Variants in SEMA6A observed in about 807,000 individuals in gnomAD.
SEMA6A encodes the protein semaphorin-6A.
A neutral mutation model predicts 96.8 loss-of-function variants in SEMA6A; 25 were observed. The ratio of observed to expected loss-of-function variants is 0.26; its 90% CI spans 0.19 to 0.36. The LOEUF (loss-of-function observed/expected upper bound fraction) is 0.36, where lower values mean the gene tolerates loss of function less well. Ranked by LOEUF, SEMA6A falls within the 10% of genes least tolerant of loss-of-function variation. SEMA6A has a pLI of 1.00. For missense variants in SEMA6A, 1,363 were observed against 1,323.1 expected (o/e 1.03, Z -0.47); for synonymous variants, 612 against 518.0 (o/e 1.18, Z -2.46).
chr5:116,476,819 A>AG (rs1432687091), intron 15 of SEMA6A, among the ~76,000 whole-genome samples: 3 of 152,234 alleles, frequency 2.0e-5, no homozygotes, highest in Non-Finnish European at 4.4e-5. Context: ...GCATGTCAAT[A>AG]ATGCTACTTG....
chr5:116,506,028 G>A (rs946821208), intron 1 of SEMA6A, among the ~76,000 whole-genome samples: 1 of 152,156 alleles, frequency 6.6e-6, no homozygotes, highest in African/African-American at 2.4e-5. Context: ...ACCTGCCAAA[G>A]ATTATCTTTT....
intron 18 of SEMA6A, among the ~76,000 whole-genome samples, chr5:116,459,825 G>C (rs1206837167): frequency 6.6e-6 from 1 of 152,080 alleles, no homozygotes; most frequent in Admixed American, 6.5e-5. Context: ...ACTGTAAGCT[G>C]TCTGAATATC....
chr5:116,444,407 G>A lies in SEMA6A; in HGVS notation c.*2206C>T, dbSNP rs1357708246. On this transcript the variant is annotated 3_prime_UTR_variant, in exon 19 of 19. Transcript: ENST00000343348. ...CACTATCCAACTCAAAACTGTCATT[G>A]TCAGTCTTTTTTTGAATTCTTTTTA... is the stretch of plus-strand genomic sequence containing the variant. 2 of 152,090 alleles carry A rather than the reference G, an allele frequency of 1.3e-5. No homozygotes were observed. Among genetic ancestry groups the A allele is most frequent in the East Asian group, 1.9e-4 (1 of 5,168 alleles). The allele number at this position is 152,090 out of a possible 1,614,324, so 9.4% of individuals were successfully genotyped here.
chr5:116,512,616 G>A lies in SEMA6A; in HGVS notation c.-38-7634C>T, dbSNP rs1482574892. 3.9e-5 allele frequency among the ~76,000 whole-genome samples: 6 copies of A among 152,304 alleles called. No individual in the cohort carries two copies. In the East Asian group the frequency reaches 5.8e-4, roughly 15 times the overall value. On this transcript the variant is annotated intron_variant, in intron 1 of 18. Transcript: ENST00000343348. ...CAAAAAATAAAGGTTGGTTGTATAC[G>A]TATTATCTTTTGAGGGAGAAGGCAA...
intron 1 of SEMA6A, among the ~76,000 whole-genome samples, chr5:116,536,869 A>T (rs1423535482): frequency 8.4e-6 from 1 of 119,274 alleles, no homozygotes. Context: ...GATTTCTTAA[A>T]AAAAAAAAAA....
chr5:116,549,803 A>G lies in SEMA6A; in HGVS notation c.-39+24382T>C, dbSNP rs77556391. Among the ~76,000 whole-genome samples, 959 of 152,280 alleles carry G rather than the reference A, an allele frequency of 6.3e-3. 5 individuals are homozygous for G. Among genetic ancestry groups the G allele is most frequent in the Non-Finnish European group, 0.01 (689 of 68,024 alleles). On this transcript the variant is annotated intron_variant, in intron 1 of 18. Transcript: ENST00000343348. ...ATGTACAAATTATAACACTTTTCAG[A>G]GCATTTAGTAGTATACAAACAATAG...
intron 1 of SEMA6A, among the ~76,000 whole-genome samples, chr5:116,509,544 G>A (rs1402689922): frequency 1.3e-5 from 2 of 152,160 alleles, no homozygotes; most frequent in African/African-American, 4.8e-5. Context: ...AGATTCCTCC[G>A]GCTCTGTGAT....
chr5:116,465,999 C>T (rs1755707979), intron 18 of SEMA6A, among the ~76,000 whole-genome samples: 2 of 143,874 alleles, frequency 1.4e-5, no homozygotes, highest in Non-Finnish European at 3.0e-5. Flanking sequence ...GGAGCTTTCT[C>T]GGGATGGAAA....
Position 116,446,384 on chromosome 5 carries a change from G to A in SEMA6A, c.*229C>T. The A allele has an allele frequency of 2.2e-6, 1 of 453,462 alleles. No individual in the cohort carries two copies. The highest frequency in any genetic ancestry group is 3.9e-6 in the Non-Finnish European group (1 of 258,866). 28.1% of individuals were successfully genotyped at this position (453,462 alleles called of 1,614,324 possible). A position where few individuals can be genotyped will look rare whatever the true frequency, so the allele number is the denominator to read the frequency against. ...GACCTGTTGTAGGGTGTGGGGGAAA[G>A]TGAAGGAAGAGAATGAAGGTGAGTC... On this transcript the variant is annotated 3_prime_UTR_variant, in exon 19 of 19. Transcript: ENST00000343348.
intron 11 of SEMA6A, among the ~76,000 whole-genome samples, chr5:116,481,575 GTT>G: frequency 6.6e-6 from 1 of 152,328 alleles, no homozygotes; most frequent in Admixed American, 6.5e-5. Context: ...GCGGAAGAGA[GTT>G]GAAAAACAAA....
At chr5:116,449,472 A>G in intron 18 of SEMA6A, 1 of 631,322 alleles carries the variant, frequency 1.6e-6, no homozygotes, top group South Asian at 1.8e-5. Flanking sequence ...ACGCAACCTT[A>G]AACTTCTACT....
chr5:116,447,974 C>T (rs1230999409), intron 18 of SEMA6A, among the ~76,000 whole-genome samples, 163 bp from the exon 19 acceptor site: 1 of 152,088 alleles, frequency 6.6e-6, no homozygotes, highest in African/African-American at 2.4e-5. Flanking sequence ...CCAATTAATC[C>T]TCCCCAAGCC....
chr5:116,535,878 G>C (rs1759686117), intron 1 of SEMA6A, among the ~76,000 whole-genome samples: 1 of 152,178 alleles, frequency 6.6e-6, no homozygotes, highest in Non-Finnish European at 1.5e-5. Flanking sequence ...TCTAAAGCAA[G>C]AAGATATGCT....
intron 1 of SEMA6A, among the ~76,000 whole-genome samples, chr5:116,567,044 C>T (rs543239887): frequency 1.3e-5 from 2 of 152,272 alleles, no homozygotes; most frequent in East Asian, 3.9e-4. Flanking sequence ...AATGTAGGTG[C>T]AGAGTGTACA....
intron 1 of SEMA6A, among the ~76,000 whole-genome samples, chr5:116,533,534 C>T (rs1329581882): frequency 3.9e-5 from 6 of 152,092 alleles, no homozygotes; most frequent in Non-Finnish European, 7.4e-5. Context: ...AAAATCTTTC[C>T]AAAGTATATC....
chr5:116,561,126 C>G (rs1425485978), intron 1 of SEMA6A, among the ~76,000 whole-genome samples: 3 of 152,148 alleles, frequency 2.0e-5, no homozygotes, highest in Non-Finnish European at 4.4e-5. Flanking sequence ...CTCTTTGAAC[C>G]TGTTATCTCA....
Position 116,475,661 on chromosome 5 carries a change from G to T in SEMA6A, c.1650-58C>A, listed in dbSNP as rs988221190. 37 of 1,298,364 alleles carry T rather than the reference G, an allele frequency of 2.8e-5. No individual in the cohort carries two copies. In the Admixed American group the frequency reaches 7.3e-4, roughly 26 times the overall value. 80.4% of individuals were successfully genotyped at this position (1,298,364 alleles called of 1,614,324 possible). ...ATGAATACAATAACGTGAGTCTTCA[G>T]AAATGAGTCAAGCTTCACTAAAGAC... is the stretch of plus-strand genomic sequence containing the variant. On this transcript the variant is annotated intron_variant, in intron 15 of 18. Transcript: ENST00000343348.
At chr5:116,562,857 C>A (rs1760874770) in intron 1 of SEMA6A, 1 of 655,186 alleles carries the variant, frequency 1.5e-6, no homozygotes. Context: ...CACCGGGCCA[C>A]AGGAGGAAAT....
intron 5 of SEMA6A, 53 bp downstream of exon 5, chr5:116,496,198 A>G (rs1202292004): frequency 7.0e-7 from 1 of 1,427,010 alleles, no homozygotes; most frequent in Non-Finnish European, 9.9e-7. Flanking sequence ...TGGAGATAAC[A>G]GTCAAAAACT....
Sources: allele counts gnomAD v4.1 joint callset (sites outside exome capture counted in the v4.1 genomes callset), GRCh38; gene constraint gnomAD v4.1.1; transcripts MANE v1.5; gene names NCBI Gene and HGNC (gene_info 2026-07-23, HGNC 2026-07-21).